BEST3: variants seen among roughly 807,000 people sequenced by gnomAD.
BEST3 encodes bestrophin 3.
In BEST3, 50 loss-of-function variants were observed where a neutral mutation model predicts 47.1. That is an observed-to-expected ratio of 1.06 (90% confidence interval 0.85 to 1.34). BEST3 has a LOEUF of 1.34. Ranked by LOEUF, BEST3 falls within the 40% of genes most tolerant of loss-of-function variation. BEST3 has a pLI of 0.00. For missense variants in BEST3, 765 were observed against 817.0 expected (o/e 0.94, Z 0.78); for synonymous variants, 282 against 298.8 (o/e 0.94, Z 0.58).
At chr12:69,698,430 T>A (rs775430) in intron 1 of BEST3, among the ~76,000 whole-genome samples, 24 of 152,154 alleles carry the variant, frequency 1.6e-4, no homozygotes, top group Admixed American at 1.3e-3. Flanking sequence ...GCCTTGTTTT[T>A]GGTGAGTTCT....
At chr12:69,667,687 G>A (rs1025659340) in intron 9 of BEST3, among the ~76,000 whole-genome samples, 10 of 152,298 alleles carry the variant, frequency 6.6e-5, no homozygotes, top group African/African-American at 1.4e-4. Flanking sequence ...TCTTCATTGC[G>A]TGTGTTCCCA....
chr12:69,694,211 C>T, intron 3 of BEST3, 159 bp downstream of exon 3: 1 of 593,188 alleles, frequency 1.7e-6, no homozygotes, highest in East Asian at 2.9e-5. Flanking sequence ...TTCGCAAAAG[C>T]AGCCGTGAAG....
At chr12:69,644,911 T>C (rs1410389253) in intron 9 of BEST3, among the ~76,000 whole-genome samples, 1 of 152,224 alleles carries the variant, frequency 6.6e-6, no homozygotes, top group Non-Finnish European at 1.5e-5. Context: ...ATGTAATTTA[T>C]TCAATTTACA....
chr12:69,659,140 T>C (rs1883711152), intron 9 of BEST3, among the ~76,000 whole-genome samples: 1 of 152,010 alleles, frequency 6.6e-6, no homozygotes, highest in East Asian at 1.9e-4. Context: ...TTACACTGAG[T>C]GGTGAATGAT....
chr12:69,674,759 A>G (rs1884795586), intron 7 of BEST3, among the ~76,000 whole-genome samples: 1 of 152,226 alleles, frequency 6.6e-6, no homozygotes, highest in Non-Finnish European at 1.5e-5. Context: ...CATTTTCAGC[A>G]AGTAACTGAG....
intron 2 of BEST3, among the ~76,000 whole-genome samples, chr12:69,695,572 T>G (rs1194758262): frequency 6.6e-6 from 1 of 152,162 alleles, no homozygotes; most frequent in Non-Finnish European, 1.5e-5. Flanking sequence ...GTTATGCTGA[T>G]GACAATTACA....
chr12:69,693,231 T>C lies in BEST3; in HGVS notation c.481+443A>G, dbSNP rs567222780. On this transcript the variant is annotated intron_variant, in intron 4 of 9. Transcript: ENST00000330891. ...TTCTTTTTCTTTTCTTTCCTTTTCT[T>C]TCTCTCTCTCTCTCTTTTTTTTTTC... Among the ~76,000 whole-genome samples, 8 of 150,438 alleles carry C rather than the reference T, an allele frequency of 5.3e-5. No individual in the cohort carries two copies. In the South Asian group the frequency reaches 1.0e-3, roughly 20 times the overall value.
Position 69,664,435 on chromosome 12 carries a change from G to A in BEST3, c.1100+6993C>T, listed in dbSNP as rs549614718. ...AGCTCAGGCACTGGGACCTCCCCCC[G>A]CCACCCGGGGCCAGTTCTGTGACTT... On this transcript the variant is annotated intron_variant, in intron 9 of 9. Coordinates refer to ENST00000330891, the MANE Select transcript of BEST3 (RefSeq NM_032735.3). 8.6e-5 allele frequency among the ~76,000 whole-genome samples: 13 copies of A among 152,042 alleles called. No homozygotes were observed. In the South Asian group the frequency reaches 2.5e-3, roughly 29 times the overall value.
chr12:69,663,744 C>A (rs935593937), intron 9 of BEST3, among the ~76,000 whole-genome samples: 3 of 152,098 alleles, frequency 2.0e-5, no homozygotes, highest in Non-Finnish European at 2.9e-5. Context: ...TCGCTTGAGC[C>A]TAGGAGTTCG....
At chr12:69,670,211 C>A in intron 9 of BEST3, 2 of 479,378 alleles carry the variant, frequency 4.2e-6, no homozygotes, top group Non-Finnish European at 7.5e-6. Flanking sequence ...GACATGCATA[C>A]AACAAGAGAT....
At position 69,676,961 on chromosome 12, in the gene BEST3, G is replaced by A. The variant is rs1884961403; in HGVS notation, c.822C>T (p.Pro274=). ...YAGHDLDLYI[P]IFTLLQFFFY... ...AGAAGAATTGTAGGAGGGTGAAGATGGGAATGTAAAGATCCAAGTCATGCC... is the reference window on the plus strand; with the variant it reads ...AGAAGAATTGTAGGAGGGTGAAGATAGGAATGTAAAGATCCAAGTCATGCC... Residue 274 remains proline, a synonymous_variant, in exon 7 of 10, where the codon CCC becomes CCT. Coordinates refer to ENST00000330891, the MANE Select transcript of BEST3 (RefSeq NM_032735.3). 1 of 1,614,054 alleles carries A rather than the reference G, an allele frequency of 6.2e-7. No individual in the cohort carries two copies. The highest frequency in any genetic ancestry group is 2.2e-5 in the East Asian group (1 of 44,874).
At chr12:69,696,357 C>G (rs12371642) in intron 2 of BEST3, among the ~76,000 whole-genome samples, 17,533 of 152,118 alleles carry the variant, frequency 0.12, 1,309 homozygotes, top group Non-Finnish European at 0.18. Context: ...TGCAACTGTA[C>G]TAAGGGCTAT....
At chr12:69,678,456 G>A (rs1028562958) in intron 5 of BEST3, among the ~76,000 whole-genome samples, 1 of 152,000 alleles carries the variant, frequency 6.6e-6, no homozygotes, top group Non-Finnish European at 1.5e-5. Context: ...AGCCCTTGGC[G>A]ACCCTTGGCT....
At chr12:69,688,651 G>A (rs757279222) in intron 4 of BEST3, among the ~76,000 whole-genome samples, 16 of 152,192 alleles carry the variant, frequency 1.1e-4, no homozygotes, top group Non-Finnish European at 1.9e-4. Context: ...GCTTCAGAAG[G>A]AGGTGCTGGT....
chr12:69,655,082 A>T lies in BEST3; in HGVS notation c.1832T>A (p.Met611Lys). 1 of 1,614,208 alleles carries T rather than the reference A, an allele frequency of 6.2e-7. No homozygotes were observed. The highest frequency in any genetic ancestry group is 1.1e-5 in the South Asian group (1 of 91,084). Reference protein sequence around the residue: ...TSLGNLSPDPMSSQPALLIDT... With the variant: ...TSLGNLSPDPKSSQPALLIDT... ...AATTAAAAGAGCTGGCTGAGAGCTCATGGGGTCTGGACTTAGGTTTCCCAG... is the reference window on the plus strand; with the variant it reads ...AATTAAAAGAGCTGGCTGAGAGCTCTTGGGGTCTGGACTTAGGTTTCCCAG... Residue 611 changes from methionine to lysine, a missense_variant, in exon 10 of 10, where the codon ATG becomes AAG. Met to Lys is a moderately conservative substitution (Grantham distance 95). Coordinates refer to ENST00000330891, the MANE Select transcript of BEST3 (RefSeq NM_032735.3).
rs1210674428 is a variant in BEST3, at chr12:69,696,573, CT to C, written c.152+1073del. Among the ~76,000 whole-genome samples, 14 of 152,236 alleles carry C rather than the reference CT, an allele frequency of 9.2e-5. No individual in the cohort carries two copies. The East Asian group carries it at 2.7e-3, about 29-fold the overall frequency. On this transcript the variant is annotated intron_variant, in intron 2 of 9. Transcript: ENST00000330891. ...AGAGGTTGTTAATAGGACTTTCCCT[CT>C]AAAAATATTTTGTCAAGATATATAC... is the stretch of plus-strand genomic sequence containing the variant.
At chr12:69,676,187 T>C (rs529865621) in intron 7 of BEST3, among the ~76,000 whole-genome samples, 2 of 152,260 alleles carry the variant, frequency 1.3e-5, no homozygotes, top group Non-Finnish European at 2.9e-5. Context: ...GCAAACCAGA[T>C]GTTGTCATTG....
intron 9 of BEST3, among the ~76,000 whole-genome samples, chr12:69,659,269 TCTC>T (rs1483420713): frequency 6.6e-6 from 1 of 152,164 alleles, no homozygotes; most frequent in Non-Finnish European, 1.5e-5. Flanking sequence ...ACACTGTTCA[TCTC>T]CTCCTTTCTC....
At chr12:69,668,695 C>T (rs565214251) in intron 9 of BEST3, among the ~76,000 whole-genome samples, 86 of 152,300 alleles carry the variant, frequency 5.6e-4, no homozygotes, top group African/African-American at 1.8e-3. Context: ...TATGGTTGGA[C>T]GGGGCTGACT....
Sources: gnomAD v4.1 joint callset for allele counts (sites outside exome capture counted in the v4.1 genomes callset) on GRCh38, gnomAD v4.1.1 for gene constraint, MANE v1.5 for transcripts, NCBI Gene and HGNC (gene_info 2026-07-23, HGNC 2026-07-21) for gene names.